The following SPOCK3 variants were observed in gnomAD, a reference collection of about 807,000 sequenced individuals.
SPOCK3 encodes the protein SPARC (osteonectin), cwcv and kazal like domains proteoglycan 3.
Under a neutral mutation model 56.6 loss-of-function variants are expected in SPOCK3, and 30 were observed. That is an observed-to-expected ratio of 0.53 (90% CI 0.40 to 0.72). SPOCK3 has a LOEUF of 0.72. Among genes scored for constraint, SPOCK3 ranks in the 30% least tolerant of loss-of-function variants. SPOCK3 has a pLI of 0.00. For synonymous variants in SPOCK3, 196 were observed against 183.3 expected (o/e 1.07, Z -0.56); for missense variants, 527 against 530.0 (o/e 0.99, Z 0.06).
rs147955547 is a variant in SPOCK3 at position 167,188,153 on chromosome 4, C to T, written c.189+45832G>A. Reference sequence around the variant, plus strand: ...CTGAAAGAATTTGAAGACTCATGCACGAAAGGTATATATGGCAGCAATCAA... The same window carrying T: ...CTGAAAGAATTTGAAGACTCATGCATGAAAGGTATATATGGCAGCAATCAA... On this transcript the variant is annotated intron_variant, in intron 2 of 10. Coordinates refer to ENST00000357545, the MANE Select transcript of SPOCK3 (RefSeq NM_001040159.2). Among the ~76,000 whole-genome samples the T allele has an allele frequency of 4.0e-4, 59 of 146,168 alleles. 6 individuals are homozygous for T. Among genetic ancestry groups the T allele is most frequent in the Middle Eastern group, 6.8e-3 (2 of 292 alleles).
At chr4:167,142,473 G>A (rs1189292166) in intron 2 of SPOCK3, among the ~76,000 whole-genome samples, 2 of 151,804 alleles carry the variant, frequency 1.3e-5, no homozygotes, top group African/African-American at 2.4e-5. Context: ...ATATAAATAA[G>A]CAAATGAAAT....
chr4:167,108,368 G>A (rs185432564), intron 2 of SPOCK3, among the ~76,000 whole-genome samples: 38 of 151,878 alleles, frequency 2.5e-4, no homozygotes, highest in Non-Finnish European at 4.3e-4. Context: ...TGTTTACTGC[G>A]TCACTATTCA....
chr4:167,028,470 C>G (rs1245926435), intron 3 of SPOCK3, among the ~76,000 whole-genome samples: 2 of 151,962 alleles, frequency 1.3e-5, no homozygotes, highest in African/African-American at 4.8e-5. Context: ...AAAATTTATG[C>G]TCTCTGGGCC....
chr4:167,040,761 A>G (rs535394773), intron 3 of SPOCK3, among the ~76,000 whole-genome samples: 1 of 152,316 alleles, frequency 6.6e-6, no homozygotes, highest in South Asian at 2.1e-4. Context: ...CAAAGATACA[A>G]TTATTAATAT....
At chr4:166,986,910 C>T (rs1747229291) in intron 4 of SPOCK3, among the ~76,000 whole-genome samples, 1 of 152,004 alleles carries the variant, frequency 6.6e-6, no homozygotes, top group Non-Finnish European at 1.5e-5. Flanking sequence ...TACACTTGTA[C>T]CCTCACCAAC....
At chr4:167,215,010 C>T (rs996830233) in intron 2 of SPOCK3, among the ~76,000 whole-genome samples, 1 of 150,904 alleles carries the variant, frequency 6.6e-6, no homozygotes, top group Non-Finnish European at 1.5e-5. Context: ...TATATATTTA[C>T]TGTAGTTCAA....
chr4:166,746,207 C>G (rs111507568), intron 8 of SPOCK3, among the ~76,000 whole-genome samples: 13 of 152,216 alleles, frequency 8.5e-5, no homozygotes, highest in African/African-American at 2.7e-4. Flanking sequence ...GCACATCACA[C>G]TTATTCCAAA....
At chr4:167,166,011 G>A (rs868810379) in intron 2 of SPOCK3, among the ~76,000 whole-genome samples, 22 of 151,930 alleles carry the variant, frequency 1.4e-4, no homozygotes, top group South Asian at 6.2e-4. Context: ...TAATGAAAAG[G>A]CAATAAACTC....
At chr4:166,870,131 G>A (rs1238104826) in intron 6 of SPOCK3, among the ~76,000 whole-genome samples, 1 of 152,052 alleles carries the variant, frequency 6.6e-6, no homozygotes, top group East Asian at 1.9e-4. Context: ...TTAGGAGAAG[G>A]ACTTCACCAG....
chr4:166,979,499 A>C (rs1342930400), intron 4 of SPOCK3, among the ~76,000 whole-genome samples: 1 of 152,150 alleles, frequency 6.6e-6, no homozygotes, highest in Admixed American at 6.6e-5. Flanking sequence ...TGCTCTGAAT[A>C]CCAATTCAGA....
At chr4:166,736,673 T>C (rs189395901) in intron 10 of SPOCK3, among the ~76,000 whole-genome samples, 70 of 152,164 alleles carry the variant, frequency 4.6e-4, no homozygotes, top group African/African-American at 1.5e-3. Flanking sequence ...TCATTTATAT[T>C]AATTGAAACA....
At chr4:167,184,410 G>A (rs557639555) in intron 2 of SPOCK3, among the ~76,000 whole-genome samples, 3 of 152,118 alleles carry the variant, frequency 2.0e-5, no homozygotes, top group Admixed American at 6.5e-5. Context: ...GTACTCTGTC[G>A]TATCCAGCAA....
chr4:166,909,955 T>C (rs539517814), intron 5 of SPOCK3, among the ~76,000 whole-genome samples: 1 of 152,124 alleles, frequency 6.6e-6, no homozygotes, highest in Non-Finnish European at 1.5e-5. Context: ...TTTTGATCAG[T>C]AGCTAAATAG....
At chr4:167,184,400 G>A (rs183599419) in intron 2 of SPOCK3, among the ~76,000 whole-genome samples, 1 of 152,166 alleles carries the variant, frequency 6.6e-6, no homozygotes, top group Admixed American at 6.5e-5. Flanking sequence ...ATGATAATTG[G>A]TACTCTGTCG....
chr4:167,150,361 T>C (rs1469305207), intron 2 of SPOCK3, among the ~76,000 whole-genome samples: 1 of 152,052 alleles, frequency 6.6e-6, no homozygotes, highest in Non-Finnish European at 1.5e-5. Flanking sequence ...GAAAAGTTAC[T>C]GAAGAAATAG....
intron 2 of SPOCK3, among the ~76,000 whole-genome samples, chr4:167,118,267 T>C (rs1580352141): frequency 6.6e-6 from 1 of 152,290 alleles, no homozygotes; most frequent in East Asian, 1.9e-4. Context: ...TAGAACATAA[T>C]GAGAATCACA....
At chr4:166,841,806 C>T (rs374614756) in intron 6 of SPOCK3, among the ~76,000 whole-genome samples, 3 of 152,190 alleles carry the variant, frequency 2.0e-5, no homozygotes, top group African/African-American at 7.2e-5. Context: ...ACATCAGTGA[C>T]TATGATGAAA....
At chr4:166,869,553 G>A (rs905560671) in intron 6 of SPOCK3, among the ~76,000 whole-genome samples, 1 of 151,272 alleles carries the variant, frequency 6.6e-6, no homozygotes, top group Non-Finnish European at 1.5e-5. Flanking sequence ...TATTCAAAAG[G>A]CAACTGATAG....
Position 167,064,638 on chromosome 4 carries a change from A to G in SPOCK3, c.190-2101T>C, listed in dbSNP as rs547004095. On this transcript the variant is annotated intron_variant, in intron 2 of 10. Coordinates refer to ENST00000357545, the MANE Select transcript of SPOCK3 (RefSeq NM_001040159.2). ...TAGGCCTCTCCTGAAGCAGAACAGA[A>G]AGCTAGACATGCACACGTGAGTGAT... Among the ~76,000 whole-genome samples the G allele has an allele frequency of 1.4e-4, 21 of 151,872 alleles. No individual in the cohort carries two copies. In the South Asian group the frequency reaches 4.4e-3, roughly 32 times the overall value.
Sources: gnomAD v4.1 joint callset for allele counts (sites outside exome capture counted in the v4.1 genomes callset) on GRCh38, gnomAD v4.1.1 for gene constraint, MANE v1.5 for transcripts, NCBI Gene and HGNC (gene_info 2026-07-23, HGNC 2026-07-21) for gene names.